Variants in ADAMTS2 observed in about 807,000 individuals in gnomAD.
The protein encoded by ADAMTS2 is ADAM metallopeptidase with thrombospondin type 1 motif 2, also known as A disintegrin and metalloproteinase with thrombospondin motifs 2.
ADAMTS2 carries 50 observed loss-of-function variants against 123.0 expected under a neutral mutation model. That is an observed-to-expected ratio of 0.41 (90% CI 0.32 to 0.51). The LOEUF (loss-of-function observed/expected upper bound fraction) is 0.51, where lower values mean the gene tolerates loss of function less well. Among genes scored for constraint, ADAMTS2 ranks in the 20% least tolerant of loss-of-function variants. The pLI is 0.35. For synonymous variants in ADAMTS2, 678 were observed against 695.4 expected, an observed-to-expected ratio of 0.98 and a Z score of 0.39; for missense variants, 1,494 against 1,705.2, an observed-to-expected ratio of 0.88 and a Z score of 2.18.
At chr5:179,269,100 G>A (rs1766455577) in intron 3 of ADAMTS2, among the ~76,000 whole-genome samples, 1 of 152,164 alleles carries the variant, frequency 6.6e-6, no homozygotes, top group African/African-American at 2.4e-5. Flanking sequence ...CAGAAGAGGA[G>A]GGGGCGACAT....
intron 2 of ADAMTS2, among the ~76,000 whole-genome samples, chr5:179,318,013 C>A (rs1390692367): frequency 1.3e-5 from 2 of 152,194 alleles, no homozygotes; most frequent in African/African-American, 4.8e-5. Context: ...AGCAGAGCCT[C>A]CACCTGCACG....
rs1294025373 is a variant in ADAMTS2, at chr5:179,122,723, G to C, written c.3009C>G (p.Arg1003=). The C allele has an allele frequency of 9.7e-6, 15 of 1,552,646 alleles. No homozygotes were observed. Among genetic ancestry groups the C allele is most frequent in the African/African-American group, 1.4e-5 (1 of 73,164 alleles). Residue 1003 remains arginine (R), a synonymous_variant, in exon 20 of 22, where the codon CGC becomes CGG. Coordinates refer to ENST00000251582, the MANE Select transcript of ADAMTS2 (RefSeq NM_014244.5). The part of the protein sequence containing the change: ...NGTQERPVLC[R]TADDSFGICQ... ...AGATGCCGAAGCTGTCGTCCGCGGTGCGGCAGAGCACTGGCCGCTCCTGGG... is the reference window on the plus strand; with the variant it reads ...AGATGCCGAAGCTGTCGTCCGCGGTCCGGCAGAGCACTGGCCGCTCCTGGG...
chr5:179,263,996 C>A (rs1269189173), intron 3 of ADAMTS2, among the ~76,000 whole-genome samples: 1 of 152,208 alleles, frequency 6.6e-6, no homozygotes, highest in African/African-American at 2.4e-5. Context: ...GGAGATGGGG[C>A]CTGTGGTCAG....
In ADAMTS2 at chr5:179,207,618, C is replaced by A. The variant is rs423552; in HGVS notation, c.786G>T (p.Ala262=). 6.2e-7 allele frequency: 1 copy of A among 1,613,710 alleles called. No homozygotes were observed. The highest frequency in any genetic ancestry group is 1.3e-5 in the African/African-American group (1 of 74,896). ...GGACCTCGATGTTGTAGTCATCGTC[C>A]GCAGCATGCCTGCGTGCCCTCCGCC... ...SSRRRARRHA[A]DDDYNIEVLL... Residue 262 remains alanine, a synonymous_variant, in exon 4 of 22, where the codon GCG becomes GCT. Coordinates refer to ENST00000251582, the MANE Select transcript of ADAMTS2 (RefSeq NM_014244.5).
intron 5 of ADAMTS2, among the ~76,000 whole-genome samples, chr5:179,164,154 C>T (rs189775883): frequency 6.6e-6 from 1 of 152,358 alleles, no homozygotes; most frequent in East Asian, 1.9e-4. Context: ...TGCTTCCTCT[C>T]TCTCTCTGCC....
In ADAMTS2 at chr5:179,286,517, G is replaced by A. The variant is rs562519443; in HGVS notation, c.535-13453C>T. Among the ~76,000 whole-genome samples, 16 of 152,124 alleles carry A rather than the reference G, an allele frequency of 1.1e-4. No individual in the cohort carries two copies. In the South Asian group the frequency reaches 3.3e-3, roughly 32 times the overall value. On this transcript the variant is annotated intron_variant, in intron 2 of 21. Transcript: ENST00000251582. ...ATATGCTTCCTTACCAGATTCCCCA[G>A]GGGACCCACCCTGGAGAGCAACCAA... is the stretch of plus-strand genomic sequence containing the variant.
At chr5:179,122,876 A>C in intron 19 of ADAMTS2, 103 bp from the exon 20 acceptor site, 22 of 1,509,494 alleles carry the variant, frequency 1.5e-5, no homozygotes, top group Non-Finnish European at 1.9e-5. Flanking sequence ...CCATGCGCTC[A>C]GGAGGAGGTG....
intron 3 of ADAMTS2, among the ~76,000 whole-genome samples, chr5:179,257,286 C>T (rs948442230): frequency 4.6e-5 from 7 of 152,236 alleles, no homozygotes; most frequent in African/African-American, 1.7e-4. Flanking sequence ...AGGCACCTGA[C>T]GTTCTGGACA....
At chr5:179,237,818 C>T (rs938840616) in intron 3 of ADAMTS2, among the ~76,000 whole-genome samples, 1 of 152,086 alleles carries the variant, frequency 6.6e-6, no homozygotes, top group African/African-American at 2.4e-5. Context: ...CCTGGATTCA[C>T]CAGGACACAA....
At chr5:179,146,515 G>T (rs1763252186) in intron 10 of ADAMTS2, among the ~76,000 whole-genome samples, 1 of 152,236 alleles carries the variant, frequency 6.6e-6, no homozygotes, top group Non-Finnish European at 1.5e-5. Flanking sequence ...AGCGTTCGCA[G>T]CTCCCTGGCG....
At chr5:179,231,590 G>A (rs1335227041) in intron 3 of ADAMTS2, among the ~76,000 whole-genome samples, 2 of 152,190 alleles carry the variant, frequency 1.3e-5, no homozygotes, top group African/African-American at 4.8e-5. Flanking sequence ...TTGCAGAGAA[G>A]AGGATGAGAA....
chr5:179,159,290 G>A (rs1387160144), intron 5 of ADAMTS2, among the ~76,000 whole-genome samples: 1 of 152,130 alleles, frequency 6.6e-6, no homozygotes, highest in East Asian at 1.9e-4. Flanking sequence ...TCACAGTTTT[G>A]GGAGGGTCCG....
rs539210130 is a variant in ADAMTS2, at chr5:179,134,245, G to C, written c.2086-1345C>G. Among the ~76,000 whole-genome samples, 3 of 152,004 alleles carry C rather than the reference G, an allele frequency of 2.0e-5. No homozygotes were observed. In the East Asian group the frequency reaches 5.8e-4, roughly 29 times the overall value. On this transcript the variant is annotated intron_variant, in intron 13 of 21. Transcript: ENST00000251582. ...CATCTTAAAAATCTTCCTGTCTGGG[G>C]AGAGACTACACCTCCCAGGGGTATC...
Position 179,155,069 on chromosome 5 carries a change from C to A in ADAMTS2, c.1133-150G>T. ...CCCCCGGCTGGCACAGCTCAGAAGA[C>A]ACCACAGCAGACAGCTCATAGCCTG... On this transcript the variant is annotated intron_variant, in intron 6 of 21. Transcript: ENST00000251582. The surrounding 1 kb of genome is among the most constrained non-coding windows in gnomAD (Gnocchi z 5.1). 1.4e-6 allele frequency: 1 copy of A among 729,626 alleles called. No homozygotes were observed. Among genetic ancestry groups the A allele is most frequent in the South Asian group, 1.5e-5 (1 of 65,794 alleles). 45.2% of individuals were successfully genotyped at this position (729,626 alleles called of 1,614,324 possible).
chr5:179,283,567 A>G (rs1271951715), intron 2 of ADAMTS2, among the ~76,000 whole-genome samples: 1 of 150,898 alleles, frequency 6.6e-6, no homozygotes, highest in East Asian at 1.9e-4. Flanking sequence ...AAAAAAAAAA[A>G]AAATCCAGAA....
chr5:179,181,002 C>T lies in ADAMTS2; in HGVS notation c.975+70G>A, dbSNP rs891470404. ...AAACGCACACACTCTCCAAGGAGGC[C>T]CATGCCTCACTCCCAGGCCCCTCAC... is the stretch of plus-strand genomic sequence containing the variant. On this transcript the variant is annotated intron_variant, in intron 5 of 21. Coordinates refer to ENST00000251582, the MANE Select transcript of ADAMTS2 (RefSeq NM_014244.5). The surrounding 1 kb of genome is among the most constrained non-coding windows in gnomAD (Gnocchi z 4.1). The T allele has an allele frequency of 8.8e-5, 107 of 1,216,960 alleles. No individual in the cohort carries two copies. Among genetic ancestry groups the T allele is most frequent in the Non-Finnish European group, 1.3e-4 (105 of 821,890 alleles). The allele number at this position is 1,216,960 out of a possible 1,614,324, so 75.4% of individuals were successfully genotyped here.
rs1482896705 is a variant in ADAMTS2 at position 179,243,963 on chromosome 5, T to A, written c.688+28948A>T. ...CTTGAAAACAGATCAATAGACATTA[T>A]GCAATTTGAAGGACACAGGGAAAAA... On this transcript the variant is annotated intron_variant, in intron 3 of 21. Transcript: ENST00000251582. Among the ~76,000 whole-genome samples, 3 of 151,978 alleles carry A rather than the reference T, an allele frequency of 2.0e-5. No individual in the cohort carries two copies. In the East Asian group the frequency reaches 5.8e-4, roughly 29 times the overall value.
intron 2 of ADAMTS2, among the ~76,000 whole-genome samples, chr5:179,294,564 T>C (rs1483079055): frequency 2.6e-5 from 4 of 152,170 alleles, no homozygotes; most frequent in East Asian, 3.9e-4. Flanking sequence ...AGGTCCGGAA[T>C]GGTGGTCTGG....
chr5:179,235,983 C>T (rs990406689), intron 3 of ADAMTS2, among the ~76,000 whole-genome samples: 3 of 152,242 alleles, frequency 2.0e-5, no homozygotes, highest in Non-Finnish European at 4.4e-5. Flanking sequence ...CCTGGTCTAG[C>T]TGCCACTAAA....
Sources: allele counts gnomAD v4.1 joint callset (sites outside exome capture counted in the v4.1 genomes callset), GRCh38; gene constraint gnomAD v4.1.1; non-coding constraint Gnocchi (gnomAD v3.1); transcripts MANE v1.5; gene names NCBI Gene and HGNC (gene_info 2026-07-23, HGNC 2026-07-21).